NDRG1: variants seen among roughly 807,000 people sequenced by gnomAD.
NDRG1 encodes the protein protein NDRG1.
In NDRG1, 32 loss-of-function variants were observed where a neutral mutation model predicts 56.9. That is an observed-to-expected ratio of 0.56 (90% confidence interval 0.42 to 0.76). The LOEUF is 0.76. NDRG1 is among the 30% of genes least tolerant of loss of function. The pLI is 0.00. For missense variants in NDRG1, 507 were observed against 545.7 expected (o/e 0.93, Z 0.71); for synonymous variants, 211 against 204.1 (o/e 1.03, Z -0.29).
intron 1 of NDRG1, among the ~76,000 whole-genome samples, chr8:133,291,624 T>G (rs941702710): frequency 6.6e-6 from 1 of 152,108 alleles, no homozygotes; most frequent in Non-Finnish European, 1.5e-5. Flanking sequence ...TTCCCTAGTT[T>G]AGAGGTTAGG....
At chr8:133,255,367 C>T in intron 8 of NDRG1, 1 of 456,318 alleles carries the variant, frequency 2.2e-6, no homozygotes, top group Middle Eastern at 3.3e-4. Flanking sequence ...GCACACATCA[C>T]AGTATCTAAT....
intron 3 of NDRG1, among the ~76,000 whole-genome samples, chr8:133,266,281 T>G (rs913508780): frequency 6.6e-6 from 1 of 152,244 alleles, no homozygotes; most frequent in African/African-American, 2.4e-5. Flanking sequence ...GCACGCTGCA[T>G]TGATTTTCCA....
At chr8:133,274,358 T>C (rs1027543776) in intron 3 of NDRG1, among the ~76,000 whole-genome samples, 2 of 152,104 alleles carry the variant, frequency 1.3e-5, no homozygotes, top group African/African-American at 4.8e-5. Flanking sequence ...ATTGACTACA[T>C]TGGTAAAGGA....
At chr8:133,260,166 G>A (rs73708712) in intron 5 of NDRG1, among the ~76,000 whole-genome samples, 1,623 of 152,318 alleles carry the variant, frequency 0.011, 29 homozygotes, top group African/African-American at 0.036. Flanking sequence ...TTTCTTCCCT[G>A]TTCCCCAGGG....
chr8:133,292,206 T>C (rs1858467860), intron 1 of NDRG1, among the ~76,000 whole-genome samples: 1 of 152,078 alleles, frequency 6.6e-6, no homozygotes, highest in Non-Finnish European at 1.5e-5. Flanking sequence ...TTTGTGGAAA[T>C]CACACAAACG....
At chr8:133,281,353 G>A (rs1254856155) in intron 2 of NDRG1, among the ~76,000 whole-genome samples, 10 of 139,552 alleles carry the variant, frequency 7.2e-5, no homozygotes, top group African/African-American at 8.6e-5. Flanking sequence ...GTGAAACTCC[G>A]TCTCAAAAAA....
At position 133,291,408 on chromosome 8, in the gene NDRG1, G is replaced by A. The variant is rs1048648290; in HGVS notation, c.-19+5726C>T. ...GCCCTGGATAGCCCTGCCTTACTGT[G>A]GATACAATCCTTTGTCATTTCTTTG... On this transcript the variant is annotated intron_variant, in intron 1 of 15. Transcript: ENST00000323851. 8.5e-5 allele frequency among the ~76,000 whole-genome samples: 13 copies of A among 152,256 alleles called. No homozygotes were observed. In the East Asian group the frequency reaches 2.3e-3, roughly 27 times the overall value.
intron 10 of NDRG1, among the ~76,000 whole-genome samples, chr8:133,248,994 C>G: frequency 6.6e-6 from 1 of 152,166 alleles, no homozygotes; most frequent in African/African-American, 2.4e-5. Context: ...AGCAGAGCCC[C>G]CTCATTTTGT....
At chr8:133,274,959 C>A (rs1365122853) in intron 3 of NDRG1, among the ~76,000 whole-genome samples, 1 of 152,224 alleles carries the variant, frequency 6.6e-6, no homozygotes. Flanking sequence ...TCAGAGGACA[C>A]TGAAGTGCAT....
intron 14 of NDRG1, among the ~76,000 whole-genome samples, chr8:133,243,502 G>A (rs1855496146): frequency 6.6e-6 from 1 of 152,172 alleles, no homozygotes; most frequent in Non-Finnish European, 1.5e-5. Flanking sequence ...GGAAAACCCT[G>A]TGTAAACATA....
chr8:133,268,422 G>C (rs1012579733), intron 3 of NDRG1, among the ~76,000 whole-genome samples: 1 of 152,170 alleles, frequency 6.6e-6, no homozygotes, highest in African/African-American at 2.4e-5. Flanking sequence ...ACCTCAGCCT[G>C]AGCAGGACTC....
intron 1 of NDRG1, among the ~76,000 whole-genome samples, chr8:133,289,706 A>AGTGG (rs1858324351): frequency 6.6e-6 from 1 of 152,200 alleles, no homozygotes; most frequent in Admixed American, 6.5e-5. Flanking sequence ...GGCAGTGGGC[A>AGTGG]GAGGCATCTT....
At chr8:133,241,613 T>C (rs951176629) in intron 15 of NDRG1, 1 of 307,410 alleles carries the variant, frequency 3.3e-6, no homozygotes. Context: ...GATGGTTCAG[T>C]GAGATAAAAT....
intron 3 of NDRG1, among the ~76,000 whole-genome samples, chr8:133,266,656 C>T (rs1471418535): frequency 6.6e-6 from 1 of 152,216 alleles, no homozygotes; most frequent in Non-Finnish European, 1.5e-5. Flanking sequence ...TGATCGGATT[C>T]CACCTCTGCT....
At chr8:133,283,248 G>A (rs1457246838) in intron 2 of NDRG1, among the ~76,000 whole-genome samples, 1 of 152,234 alleles carries the variant, frequency 6.6e-6, no homozygotes, top group South Asian at 2.1e-4. Context: ...AATACGGTCG[G>A]CGGAGAAGCA....
At position 133,268,447 on chromosome 8, in the gene NDRG1, C is replaced by T. The variant is rs540693450; in HGVS notation, c.100-3795G>A. On this transcript the variant is annotated intron_variant, in intron 3 of 15. Transcript: ENST00000323851. ...GAGCAGGACTCAAAAAAGAGGCTTT[C>T]GACATTGCTAGCCTTGGTGGGAAGG... Among the ~76,000 whole-genome samples, 6 of 152,244 alleles carry T rather than the reference C, an allele frequency of 3.9e-5. 1 individual carries two copies. The highest frequency in any genetic ancestry group is 9.6e-5 in the African/African-American group (4 of 41,518).
chr8:133,249,388 G>GT (rs1855884827), intron 10 of NDRG1: 1 of 160,864 alleles, frequency 6.2e-6, no homozygotes. Context: ...ACAGCCTGGA[G>GT]TTAGACAAGC....
intron 7 of NDRG1, among the ~76,000 whole-genome samples, chr8:133,258,092 C>T (rs1291933364): frequency 2.0e-5 from 3 of 152,096 alleles, no homozygotes; most frequent in African/African-American, 7.2e-5. Context: ...TAGCAGAGTA[C>T]TCAGTGAGTG....
chr8:133,261,958 A>T, intron 5 of NDRG1, 89 bp downstream of exon 5: 1 of 1,478,704 alleles, frequency 6.8e-7, no homozygotes, highest in East Asian at 2.3e-5. Flanking sequence ...TACCACAGTT[A>T]AAAAGTATTT....
Sources: allele counts gnomAD v4.1 joint callset (sites outside exome capture counted in the v4.1 genomes callset), GRCh38; gene constraint gnomAD v4.1.1; transcripts MANE v1.5; gene names NCBI Gene and HGNC (gene_info 2026-07-23, HGNC 2026-07-21).